Variants in SDK2 observed in about 807,000 individuals in gnomAD.
The protein encoded by SDK2 is sidekick cell adhesion molecule 2.
Under a neutral mutation model 253.9 loss-of-function variants are expected in SDK2, and 105 were observed. The observed-to-expected ratio is 0.41, with a 90% confidence interval of 0.35 to 0.49. The LOEUF (loss-of-function observed/expected upper bound fraction) is 0.49. Among genes scored for constraint, SDK2 ranks in the 20% least tolerant of loss-of-function variants. The pLI is 0.06. For missense variants in SDK2, 2,608 were observed against 3,003.0 expected, an observed-to-expected ratio of 0.87 and a Z score of 3.07; for synonymous variants, 1,249 against 1,234.9, an observed-to-expected ratio of 1.01 and a Z score of -0.24.
Position 73,643,343 on chromosome 17 carries a change from G to A in SDK2, c.64+682C>T, listed in dbSNP as rs932333500. Among the ~76,000 whole-genome samples the A allele has an allele frequency of 6.6e-6, 1 of 152,164 alleles. No homozygotes were observed. Among genetic ancestry groups the A allele is most frequent in the Non-Finnish European group, 1.5e-5 (1 of 68,010 alleles). On this transcript the variant is annotated intron_variant, in intron 1 of 44. Transcript: ENST00000392650. The surrounding 1 kb of genome is among the most constrained non-coding windows in gnomAD (Gnocchi z 6.9). Reference sequence around the variant, plus strand: ...GCTGGAGGCAGGGGCGGGGATGCTGGGTGTGGGTGGATGGGTAGGAGGGGA... The same window carrying A: ...GCTGGAGGCAGGGGCGGGGATGCTGAGTGTGGGTGGATGGGTAGGAGGGGA...
rs202154952 is a variant in SDK2 at position 73,414,638 on chromosome 17, A to G, written c.2484+6T>C. On this transcript the variant is annotated splice_donor_region_variant and intron_variant, in intron 18 of 44. Transcript: ENST00000392650. ...CTCCTCTTGGGTGAGGAGATGCCTC[A>G]TGTACCTTGTAGCCCTGGTTGATGC... 177 of 1,609,768 alleles carry G rather than the reference A, an allele frequency of 1.1e-4. No homozygotes were observed. Among genetic ancestry groups the G allele is most frequent in the Middle Eastern group, 8.2e-4 (5 of 6,076 alleles).
At chr17:73,418,252 C>T (rs373639597) in intron 16 of SDK2, among the ~76,000 whole-genome samples, 3 of 152,144 alleles carry the variant, frequency 2.0e-5, no homozygotes, top group African/African-American at 4.8e-5. Flanking sequence ...GTGATCCACC[C>T]GCCTTGGCCT....
rs749114400 is a variant in SDK2 at position 73,398,472 on chromosome 17, C to CCACACGG, written c.3094-50_3094-44dup. On this transcript the variant is annotated intron_variant, in intron 22 of 44. Coordinates refer to ENST00000392650, the MANE Select transcript of SDK2 (RefSeq NM_001144952.2). ...CTTAGGCCTGTCCAGCCTACAGGGC[C>CCACACGG]CACACGGGGTGCTCCGAGCCCCAGT... 1.9e-6 allele frequency: 3 copies of CCACACGG among 1,540,474 alleles called. No homozygotes were observed. The East Asian group carries it at 6.8e-5, about 35-fold the overall frequency.
intron 1 of SDK2, among the ~76,000 whole-genome samples, chr17:73,549,259 T>TTC (rs2045017451): frequency 6.6e-6 from 1 of 152,224 alleles, no homozygotes; most frequent in African/African-American, 2.4e-5. Context: ...AATTGCCTCC[T>TTC]CCTGGCAGCC....
intron 36 of SDK2, among the ~76,000 whole-genome samples, chr17:73,373,409 C>A (rs1419156788): frequency 6.6e-6 from 1 of 152,190 alleles, no homozygotes; most frequent in East Asian, 1.9e-4. Flanking sequence ...CATTGGAGTT[C>A]TATTTTTAAT....
chr17:73,588,868 C>T lies in SDK2; in HGVS notation c.64+55157G>A, dbSNP rs916336553. On this transcript the variant is annotated intron_variant, in intron 1 of 44. Transcript: ENST00000392650. ...GTGGGGCACACTCCTCTACGTGGCGCAGGTGCCATACGCACTTCATTCCTG... is the reference window on the plus strand; with the variant it reads ...GTGGGGCACACTCCTCTACGTGGCGTAGGTGCCATACGCACTTCATTCCTG... 2.0e-5 allele frequency among the ~76,000 whole-genome samples: 3 copies of T among 152,268 alleles called. No individual in the cohort carries two copies. The East Asian group carries it at 5.8e-4, about 29-fold the overall frequency.
intron 6 of SDK2, 46 bp from the exon 7 acceptor site, chr17:73,438,200 A>T: frequency 6.7e-7 from 1 of 1,496,882 alleles, no homozygotes; most frequent in Non-Finnish European, 9.0e-7. Context: ...GAGGACTCCC[A>T]GAGGCCTGAG....
intron 36 of SDK2, among the ~76,000 whole-genome samples, chr17:73,373,509 C>CGCTT (rs2062753396): frequency 6.6e-6 from 1 of 152,138 alleles, no homozygotes; most frequent in African/African-American, 2.4e-5. Flanking sequence ...TTTCCCCATA[C>CGCTT]GCTTACCACC....
rs371757162 is a variant in SDK2 at position 73,385,827 on chromosome 17, T to A, written c.4569+20A>T. ...GCTCGTCTGGGTCTTCACGGAGGTTTCCTGCCCGCTGGGCCATACCTGCCA... is the reference window on the plus strand; with the variant it reads ...GCTCGTCTGGGTCTTCACGGAGGTTACCTGCCCGCTGGGCCATACCTGCCA... On this transcript the variant is annotated intron_variant, in intron 32 of 44. Transcript: ENST00000392650. 7.5e-6 allele frequency: 12 copies of A among 1,592,780 alleles called. No individual in the cohort carries two copies. The highest frequency in any genetic ancestry group is 1.0e-5 in the Non-Finnish European group (12 of 1,170,002).
chr17:73,350,740 C>A lies in SDK2; in HGVS notation c.5809G>T (p.Ala1937Ser). The change falls in exon 42 of 45, where the codon GCC becomes TCC. Residue 1937 changes from alanine to serine, a missense_variant. By Grantham distance (99) the Ala-to-Ser change is moderately conservative (BLOSUM62 1). Coordinates refer to ENST00000392650, the MANE Select transcript of SDK2 (RefSeq NM_001144952.2). ...YEEWWFLVVIALVGLIFILLL... is the reference protein window; with the variant it reads ...YEEWWFLVVISLVGLIFILLL... The stretch of plus-strand genomic sequence containing the variant: ...AGGATGAAGATGAGGCCGACCAGGG[C>A]AATGACCACCAAGAACCACCACTCC... The A allele has an allele frequency of 6.2e-7, 1 of 1,613,436 alleles. No individual in the cohort carries two copies. The highest frequency in any genetic ancestry group is 1.1e-5 in the South Asian group (1 of 91,036).
At chr17:73,582,196 CCACGCAGG>C (rs1159716216) in intron 1 of SDK2, among the ~76,000 whole-genome samples, 12,511 of 151,590 alleles carry the variant, frequency 0.083, 2,760 homozygotes, top group African/African-American at 0.12. Flanking sequence ...GGGGCACACA[CCACGCAGG>C]CATCAGCATT....
chr17:73,475,471 C>T (rs186422848), intron 2 of SDK2, among the ~76,000 whole-genome samples: 4 of 152,362 alleles, frequency 2.6e-5, no homozygotes, highest in Admixed American at 2.0e-4. Flanking sequence ...TTTAGATACA[C>T]TAGCAACTAT....
rs772307394 is a variant in SDK2 at position 73,338,744 on chromosome 17, G to A, written c.6362C>T (p.Thr2121Ile). The A allele has an allele frequency of 8.1e-6, 13 of 1,613,822 alleles. No homozygotes were observed. Among genetic ancestry groups the A allele is most frequent in the Non-Finnish European group, 1.0e-5 (12 of 1,179,844 alleles). The change falls in exon 45 of 45, where the codon ACC becomes ATC. Residue 2121 changes from threonine (T) to isoleucine (I), a missense_variant. Thr to Ile is a moderately conservative substitution (Grantham distance 89, BLOSUM62 -1). Coordinates refer to ENST00000392650, the MANE Select transcript of SDK2 (RefSeq NM_001144952.2). The surrounding 1 kb of genome is among the most constrained non-coding windows in gnomAD (Gnocchi z 5.0). ...GGGCCGAAAGAGGCTGCCCTGCTGG[G>A]TGCTGGTGCTGTTGGTGACGGTGGT... is the stretch of plus-strand genomic sequence containing the variant. ...DHTTVTNSTS[T>I]QQGSLFRPKA...
At position 73,384,025 on chromosome 17, in the gene SDK2, G is replaced by T. The variant is rs765033830; in HGVS notation, c.4570-14C>A. ...CTCTGCTGGCGGCTGCAGGAAGGGA[G>T]TAGGGCATGGGGAGGGCACCTGGAC... On this transcript the variant is annotated splice_polypyrimidine_tract_variant and intron_variant, in intron 32 of 44. Coordinates refer to ENST00000392650, the MANE Select transcript of SDK2 (RefSeq NM_001144952.2). 2.5e-6 allele frequency: 4 copies of T among 1,612,210 alleles called. No individual in the cohort carries two copies. The highest frequency in any genetic ancestry group is 3.4e-6 in the Non-Finnish European group (4 of 1,179,214).
intron 1 of SDK2, among the ~76,000 whole-genome samples, chr17:73,604,437 AAC>A (rs1361209242): frequency 4.6e-5 from 7 of 152,174 alleles, no homozygotes; most frequent in Non-Finnish European, 8.8e-5. Context: ...CAGCCCACAA[AAC>A]ACGGCATTGC....
At chr17:73,611,815 G>A (rs944272557) in intron 1 of SDK2, among the ~76,000 whole-genome samples, 7 of 152,184 alleles carry the variant, frequency 4.6e-5, no homozygotes, top group African/African-American at 1.7e-4. Context: ...GCTTCTGCCC[G>A]GCCCCTGCCC....
chr17:73,421,687 G>T (rs537960045), intron 15 of SDK2, among the ~76,000 whole-genome samples: 17 of 107,118 alleles, frequency 1.6e-4, no homozygotes, highest in African/African-American at 5.8e-4. Context: ...TCAGCCTCCC[G>T]AGTAGCTGGG....
intron 1 of SDK2, among the ~76,000 whole-genome samples, chr17:73,559,615 C>T (rs1460629747): frequency 6.7e-6 from 1 of 150,006 alleles, no homozygotes; most frequent in East Asian, 2.0e-4. Context: ...GCCCCCGCCA[C>T]CATACCACAC....
intron 12 of SDK2, among the ~76,000 whole-genome samples, chr17:73,427,517 A>C (rs2063292617): frequency 6.6e-6 from 1 of 152,150 alleles, no homozygotes; most frequent in Non-Finnish European, 1.5e-5. Context: ...TACAGCAAAG[A>C]TTGCTGACCT....
Sources: allele counts gnomAD v4.1 joint callset (sites outside exome capture counted in the v4.1 genomes callset), GRCh38; gene constraint gnomAD v4.1.1; non-coding constraint Gnocchi (gnomAD v3.1); transcripts MANE v1.5; gene names NCBI Gene and HGNC (gene_info 2026-07-23, HGNC 2026-07-21).